Variants in CNTNAP2 observed in about 807,000 individuals in gnomAD.
CNTNAP2 encodes contactin associated protein 2.
Under a neutral mutation model 155.2 loss-of-function variants are expected in CNTNAP2, and 98 were observed. The ratio of observed to expected loss-of-function variants is 0.63; its 90% CI spans 0.54 to 0.75. The LOEUF is 0.75. Among genes scored for constraint, CNTNAP2 ranks in the 30% least tolerant of loss-of-function variants. The pLI is 0.00. For synonymous variants in CNTNAP2, 651 were observed against 631.2 expected (o/e 1.03, Z -0.47); for missense variants, 1,727 against 1,688.1 (o/e 1.02, Z -0.40).
chr7:147,831,792 T>C (rs1798548857), intron 13 of CNTNAP2: 1 of 152,196 alleles, frequency 6.6e-6, no homozygotes, highest in Admixed American at 6.6e-5. Context: ...GCAGCACATA[T>C]GCTAACACTG....
intron 12 of CNTNAP2, among the ~76,000 whole-genome samples, chr7:147,628,554 A>T (rs1795028491): frequency 6.6e-6 from 1 of 152,198 alleles, no homozygotes; most frequent in Admixed American, 6.5e-5. Context: ...TAAAACAATA[A>T]CACAATTAAA....
chr7:146,727,225 G>A (rs1387359152), intron 1 of CNTNAP2, among the ~76,000 whole-genome samples: 1 of 152,062 alleles, frequency 6.6e-6, no homozygotes, highest in African/African-American at 2.4e-5. Flanking sequence ...GTTACACAGT[G>A]TCCTTTGCAT....
chr7:147,568,595 G>A (rs374372875), intron 12 of CNTNAP2, among the ~76,000 whole-genome samples: 17 of 152,056 alleles, frequency 1.1e-4, no homozygotes, highest in East Asian at 3.9e-4. Flanking sequence ...TGTTAGCCTC[G>A]CCTTCCTTCT....
At chr7:147,883,215 C>A (rs1563122810) in intron 13 of CNTNAP2, among the ~76,000 whole-genome samples, 1 of 152,122 alleles carries the variant, frequency 6.6e-6, no homozygotes, top group Non-Finnish European at 1.5e-5. Context: ...GAGCTGACTG[C>A]ATACTGAAGT....
chr7:148,405,902 A>G (rs1799693290), intron 22 of CNTNAP2, among the ~76,000 whole-genome samples: 3 of 151,716 alleles, frequency 2.0e-5, no homozygotes, highest in Admixed American at 6.6e-5. Context: ...GTAATTTTTT[A>G]TCACTATATT....
chr7:147,313,664 A>G (rs1795167722), intron 9 of CNTNAP2, among the ~76,000 whole-genome samples: 1 of 152,068 alleles, frequency 6.6e-6, no homozygotes, highest in Admixed American at 6.6e-5. Flanking sequence ...TGGTTACTGT[A>G]GCCTTGTAGT....
At chr7:147,051,618 A>G (rs1799475210) in intron 4 of CNTNAP2, among the ~76,000 whole-genome samples, 1 of 152,178 alleles carries the variant, frequency 6.6e-6, no homozygotes, top group Admixed American at 6.6e-5. Context: ...ACTAAGAGAC[A>G]CAGAGGTAAG....
intron 17 of CNTNAP2, among the ~76,000 whole-genome samples, chr7:148,170,709 C>T (rs993945914): frequency 3.3e-5 from 5 of 152,220 alleles, no homozygotes; most frequent in African/African-American, 1.2e-4. Flanking sequence ...TACAGCAACT[C>T]ATTTGCCACT....
At chr7:146,857,155 A>C (rs1346214306) in intron 3 of CNTNAP2, among the ~76,000 whole-genome samples, 1 of 152,100 alleles carries the variant, frequency 6.6e-6, no homozygotes, top group Non-Finnish European at 1.5e-5. Flanking sequence ...ACTTATTCTC[A>C]CATGGTTCAG....
intron 12 of CNTNAP2, among the ~76,000 whole-genome samples, chr7:147,574,232 A>C (rs1800346381): frequency 6.6e-6 from 1 of 152,062 alleles, no homozygotes; most frequent in African/African-American, 2.4e-5. Flanking sequence ...AGGATAATAA[A>C]ACATCTTTTT....
chr7:147,065,864 A>G (rs1799768881), intron 4 of CNTNAP2, among the ~76,000 whole-genome samples: 1 of 152,174 alleles, frequency 6.6e-6, no homozygotes, highest in African/African-American at 2.4e-5. Context: ...TTTTACTTAC[A>G]TTTTAGTCAA....
At chr7:147,046,601 A>G (rs932338978) in intron 4 of CNTNAP2, among the ~76,000 whole-genome samples, 3 of 152,306 alleles carry the variant, frequency 2.0e-5, no homozygotes, top group African/African-American at 7.2e-5. Flanking sequence ...GGGGGTAATA[A>G]CAAACTAGCA....
At chr7:146,118,335 AT>A (rs1249655852) in intron 1 of CNTNAP2, among the ~76,000 whole-genome samples, 1 of 152,328 alleles carries the variant, frequency 6.6e-6, no homozygotes, top group East Asian at 1.9e-4. Flanking sequence ...CACAAGTTAA[AT>A]CACAAAGAGT....
chr7:148,364,015 G>A (rs572786511), intron 21 of CNTNAP2, among the ~76,000 whole-genome samples: 3 of 152,340 alleles, frequency 2.0e-5, no homozygotes, highest in Middle Eastern at 3.4e-3. Context: ...CGCTGCGCTC[G>A]ATTTCTCGCC....
intron 21 of CNTNAP2, among the ~76,000 whole-genome samples, chr7:148,361,505 C>A (rs1035455564): frequency 6.6e-6 from 1 of 152,114 alleles, no homozygotes; most frequent in Non-Finnish European, 1.5e-5. Flanking sequence ...AACTGTTCTT[C>A]TCTTCCAGCT....
intron 11 of CNTNAP2, among the ~76,000 whole-genome samples, chr7:147,508,588 T>C (rs1470910831): frequency 1.3e-5 from 2 of 152,226 alleles, no homozygotes; most frequent in African/African-American, 4.8e-5. Flanking sequence ...TAAATCCGGA[T>C]ATTCTTTGGC....
intron 18 of CNTNAP2, among the ~76,000 whole-genome samples, chr7:148,199,356 T>C (rs770331076): frequency 3.2e-4 from 48 of 152,290 alleles, no homozygotes; most frequent in Middle Eastern, 3.4e-3. Context: ...GCTTATATTG[T>C]TTTATTCTAA....
chr7:147,102,282 G>GAAAAAAAAAAAA lies in CNTNAP2; in HGVS notation c.551-5861_551-5850dup, dbSNP rs555981471. Among the ~76,000 whole-genome samples the GAAAAAAAAAAAA allele has an allele frequency of 5.8e-3, 640 of 110,492 alleles. 11 individuals carry two copies. The highest frequency in any genetic ancestry group is 7.8e-3 in the Non-Finnish European group (428 of 54,696). 72.5% of individuals were successfully genotyped at this position (110,492 alleles called of 152,430 possible). On this transcript the variant is annotated intron_variant, in intron 4 of 23. Transcript: ENST00000361727. ...GTCGCTAAATGTAGGTAGGCAAAAA[G>GAAAAAAAAAAAA]AAAAAAAAAAAAAAAGAAGCTCAAG...
At chr7:146,638,645 T>A (rs971014895) in intron 1 of CNTNAP2, among the ~76,000 whole-genome samples, 1 of 151,408 alleles carries the variant, frequency 6.6e-6, no homozygotes, top group Non-Finnish European at 1.5e-5. Flanking sequence ...CCACCACACC[T>A]GGCTAATTTT....
Sources: gnomAD v4.1 joint callset for allele counts (sites outside exome capture counted in the v4.1 genomes callset) on GRCh38, gnomAD v4.1.1 for gene constraint, MANE v1.5 for transcripts, NCBI Gene and HGNC (gene_info 2026-07-23, HGNC 2026-07-21) for gene names.